EED: variants seen among roughly 807,000 people sequenced by gnomAD.
EED encodes the protein polycomb protein EED.
EED carries 9 observed loss-of-function variants against 61.0 expected under a neutral mutation model. The observed-to-expected ratio is 0.15, with a 90% CI of 0.09 to 0.26. The LOEUF (loss-of-function observed/expected upper bound fraction) is 0.26, where lower values mean the gene tolerates loss of function less well. Among genes scored for constraint, EED ranks in the 10% least tolerant of loss-of-function variants. EED has a pLI of 1.00. For missense variants in EED, 315 were observed against 542.3 expected, an observed-to-expected ratio of 0.58 and a Z score of 4.16; for synonymous variants, 187 against 174.4, an observed-to-expected ratio of 1.07 and a Z score of -0.57.
intron 2 of EED, among the ~76,000 whole-genome samples, chr11:86,250,819 A>T (rs1270023264): frequency 6.6e-6 from 1 of 152,196 alleles, no homozygotes; most frequent in African/African-American, 2.4e-5. Flanking sequence ...GTAACCCATT[A>T]ACTTTGACTA....
chr11:86,273,604 C>G (rs889421885), intron 9 of EED, among the ~76,000 whole-genome samples: 7 of 152,144 alleles, frequency 4.6e-5, no homozygotes, highest in African/African-American at 1.7e-4. Context: ...AACAGATTCT[C>G]CTAGTTTTTC....
intron 2 of EED, 96 bp downstream of exon 2, chr11:86,250,544 G>A (rs549688551): frequency 3.1e-6 from 4 of 1,291,356 alleles, no homozygotes; most frequent in African/African-American, 1.6e-5. Context: ...CTGTCAAGTT[G>A]TAAATATTTT....
At chr11:86,245,375 C>T (rs1358353597) in intron 1 of EED, 32 bp downstream of exon 1, 1 of 1,550,456 alleles carries the variant, frequency 6.4e-7, no homozygotes, top group Non-Finnish European at 8.8e-7. Flanking sequence ...TACGAGACTG[C>T]GGAGTGAAAG....
At chr11:86,250,988 A>G (rs1022287993) in intron 2 of EED, among the ~76,000 whole-genome samples, 3 of 152,218 alleles carry the variant, frequency 2.0e-5, no homozygotes, top group Admixed American at 6.5e-5. Context: ...TCTGTCCCCA[A>G]TAGTATTTTT....
At chr11:86,257,718 G>A (rs1945714199) in intron 6 of EED, 122 bp downstream of exon 6, 7 of 678,718 alleles carry the variant, frequency 1.0e-5, no homozygotes, top group Non-Finnish European at 1.6e-5. Context: ...ATGCTTGTAT[G>A]TCTGATAATA....
intron 3 of EED, among the ~76,000 whole-genome samples, chr11:86,252,753 G>T (rs1945568690): frequency 6.6e-6 from 1 of 151,906 alleles, no homozygotes; most frequent in Non-Finnish European, 1.5e-5. Flanking sequence ...GATTGTTGTT[G>T]TTGTTGTTGT....
intron 1 of EED, among the ~76,000 whole-genome samples, chr11:86,246,346 A>T (rs1035744261): frequency 6.6e-6 from 1 of 152,236 alleles, no homozygotes; most frequent in Admixed American, 6.5e-5. Context: ...AATATCTTTT[A>T]AAAAATCCTT....
chr11:86,252,978 G>C (rs1442316982), intron 3 of EED, among the ~76,000 whole-genome samples: 1 of 152,050 alleles, frequency 6.6e-6, no homozygotes, highest in African/African-American at 2.4e-5. Context: ...GAACTCTTGG[G>C]CTCAAGCAAT....
chr11:86,282,259 AAAC>A (rs1466815576), downstream of EED, among the ~76,000 whole-genome samples: 21 of 152,370 alleles, frequency 1.4e-4, no homozygotes, highest in Middle Eastern at 3.4e-3. Context: ...AAAAAAGTAA[AAAC>A]TACCTTTAAT....
chr11:86,248,861 A>G (rs1945456582), intron 1 of EED, among the ~76,000 whole-genome samples: 1 of 152,116 alleles, frequency 6.6e-6, no homozygotes, highest in Non-Finnish European at 1.5e-5. Flanking sequence ...TCTACCAAAA[A>G]TTAGCTGGGT....
chr11:86,275,029 ATTGTTG>A (rs111379316), intron 9 of EED, among the ~76,000 whole-genome samples: 3 of 151,462 alleles, frequency 2.0e-5, no homozygotes, highest in African/African-American at 4.9e-5. Flanking sequence ...GCAGGCTTTT[ATTGTTG>A]TTGTTGTTGT....
intron 3 of EED, among the ~76,000 whole-genome samples, chr11:86,254,583 T>C: frequency 6.6e-6 from 1 of 151,982 alleles, no homozygotes; most frequent in African/African-American, 2.4e-5. Flanking sequence ...CCTCCCAAAG[T>C]GCTGGGATTA....
rs537685415 is a variant in EED, at chr11:86,244,866, C to T, written c.-364C>T. ...GGTGAGGGAGCATCCCTTTGAGTTTCGCCTCTTCTCGAGGCGGTGGTGGGA... is the reference window on the plus strand; with the variant it reads ...GGTGAGGGAGCATCCCTTTGAGTTTTGCCTCTTCTCGAGGCGGTGGTGGGA... On this transcript the variant is annotated 5_prime_UTR_variant, in exon 1 of 12. Transcript: ENST00000263360. The T allele has an allele frequency of 8.0e-5, 20 of 249,546 alleles. No individual in the cohort carries two copies. The highest frequency in any genetic ancestry group is 4.4e-4 in the African/African-American group (20 of 45,456). 15.5% of individuals were successfully genotyped at this position (249,546 alleles called of 1,614,324 possible).
chr11:86,245,195 C>G lies in EED; in HGVS notation c.-35C>G, dbSNP rs775948809. ...ACGGCGGTGTGGCGGAGGCCCCGCC[C>G]CAGGCGGCAGGAACCTGGAGGGAGG... On this transcript the variant is annotated 5_prime_UTR_variant, in exon 1 of 12. Transcript: ENST00000263360. The G allele has an allele frequency of 2.5e-6, 4 of 1,573,146 alleles. No homozygotes were observed. The highest frequency in any genetic ancestry group is 1.7e-5 in the Admixed American group (1 of 58,000).
intron 1 of EED, among the ~76,000 whole-genome samples, chr11:86,246,109 C>A (rs1159453946): frequency 1.3e-5 from 2 of 152,222 alleles, no homozygotes; most frequent in Non-Finnish European, 1.5e-5. Context: ...GTTTTGCAAT[C>A]AGATTTTTTT....
rs1220475650 is a variant in EED at position 86,245,124 on chromosome 11, C to A, written c.-106C>A. On this transcript the variant is annotated 5_prime_UTR_variant, in exon 1 of 12. Transcript: ENST00000263360. ...ACAGTGGGGGGGGCGGTGGAGGTGG[C>A]GGCGGCAGCGGCAACTTTGCGGCAA... 2 of 798,552 alleles carry A rather than the reference C, an allele frequency of 2.5e-6. No homozygotes were observed. Among genetic ancestry groups the A allele is most frequent in the Non-Finnish European group, 1.9e-6 (1 of 512,828 alleles). 49.5% of individuals were successfully genotyped at this position (798,552 alleles called of 1,614,324 possible).
At chr11:86,246,335 G>C (rs1314266786) in intron 1 of EED, among the ~76,000 whole-genome samples, 1 of 152,200 alleles carries the variant, frequency 6.6e-6, no homozygotes, top group East Asian at 1.9e-4. Flanking sequence ...AACAACTTGT[G>C]AATATCTTTT....
chr11:86,275,801 C>T (rs1946215227), intron 9 of EED, among the ~76,000 whole-genome samples: 1 of 152,200 alleles, frequency 6.6e-6, no homozygotes. Flanking sequence ...AGTCATCACA[C>T]TGGGTGGTTT....
chr11:86,269,133 G>C (rs919610297), intron 9 of EED, among the ~76,000 whole-genome samples: 1 of 152,182 alleles, frequency 6.6e-6, no homozygotes, highest in Admixed American at 6.5e-5. Context: ...TTAGCCTACA[G>C]TTGGGCAAAA....
Sources: gnomAD v4.1 joint callset for allele counts (sites outside exome capture counted in the v4.1 genomes callset) on GRCh38, gnomAD v4.1.1 for gene constraint, MANE v1.5 for transcripts, NCBI Gene and HGNC (gene_info 2026-07-23, HGNC 2026-07-21) for gene names.